Variants in DCC observed in about 807,000 individuals in gnomAD.
DCC encodes the protein DCC netrin 1 receptor, also known as netrin receptor DCC.
DCC carries 58 observed loss-of-function variants against 172.5 expected under a neutral mutation model. The ratio of observed to expected loss-of-function variants is 0.34; its 90% CI spans 0.27 to 0.42. DCC has a LOEUF of 0.42. DCC is among the 10% of genes least tolerant of loss of function. The pLI, the probability that DCC is intolerant of heterozygous loss-of-function variation, is 1.00. For synonymous variants in DCC, 709 were observed against 644.5 expected, an observed-to-expected ratio of 1.10 and a Z score of -1.52; for missense variants, 1,740 against 1,791.0, an observed-to-expected ratio of 0.97 and a Z score of 0.51.
At chr18:52,847,437 G>T (rs8088779) in intron 2 of DCC, among the ~76,000 whole-genome samples, 70,650 of 151,960 alleles carry the variant, frequency 0.46, 16,658 homozygotes, top group South Asian at 0.55. Flanking sequence ...GGCTCAGAAC[G>T]GTAGCTATCT....
intron 7 of DCC, among the ~76,000 whole-genome samples, chr18:53,121,146 A>G (rs2043478019): frequency 6.6e-6 from 1 of 151,894 alleles, no homozygotes; most frequent in Non-Finnish European, 1.5e-5. Flanking sequence ...CATTTGTTCT[A>G]TCCATGATAA....
chr18:53,335,153 C>A (rs1042386207), intron 14 of DCC, among the ~76,000 whole-genome samples: 2 of 152,114 alleles, frequency 1.3e-5, no homozygotes, highest in Non-Finnish European at 2.9e-5. Context: ...CTCATCCCTG[C>A]AGTACAGCAT....
chr18:53,179,271 A>G (rs542026431), intron 9 of DCC, among the ~76,000 whole-genome samples, 155 bp downstream of exon 9: 3 of 152,372 alleles, frequency 2.0e-5, no homozygotes, highest in Admixed American at 6.5e-5. Flanking sequence ...CTTTTAAAAG[A>G]TAACTTGTAA....
intron 1 of DCC, among the ~76,000 whole-genome samples, chr18:52,711,756 T>C (rs560530922): frequency 7.5e-4 from 115 of 152,320 alleles, no homozygotes; most frequent in African/African-American, 2.5e-3. Context: ...GGGAAAGATG[T>C]CATCTTTGTG....
At chr18:53,066,678 A>G (rs1359848124) in intron 7 of DCC, among the ~76,000 whole-genome samples, 1 of 151,874 alleles carries the variant, frequency 6.6e-6, no homozygotes, top group Non-Finnish European at 1.5e-5. Flanking sequence ...AGGACTGTAC[A>G]TATTTTCTTA....
intron 13 of DCC, among the ~76,000 whole-genome samples, chr18:53,308,746 G>A (rs1285337007): frequency 1.3e-5 from 2 of 152,152 alleles, no homozygotes; most frequent in Admixed American, 6.5e-5. Flanking sequence ...ACGCAGTACG[G>A]CAACTATTAG....
rs534476520 is a variant in DCC at position 52,869,563 on chromosome 18, C to A, written c.413-36481C>A. Among the ~76,000 whole-genome samples the A allele has an allele frequency of 1.6e-4, 25 of 152,288 alleles. 1 individual carries two copies. The highest frequency in any genetic ancestry group is 5.8e-4 in the African/African-American group (24 of 41,576). ...TTGAAGGTGGGGCCTCACCGTGGAC[C>A]CACCCCCTTCTGCCCAGGAGCCTGT... On this transcript the variant is annotated intron_variant, in intron 2 of 28. Transcript: ENST00000442544.
chr18:53,241,992 C>A (rs1425450634), intron 12 of DCC, among the ~76,000 whole-genome samples: 1 of 152,050 alleles, frequency 6.6e-6, no homozygotes, highest in Non-Finnish European at 1.5e-5. Context: ...TTAGAAAACC[C>A]CATAGTCTCA....
intron 2 of DCC, among the ~76,000 whole-genome samples, chr18:52,797,310 C>G (rs1363741948): frequency 6.6e-6 from 1 of 152,150 alleles, no homozygotes; most frequent in Non-Finnish European, 1.5e-5. Context: ...TTGGAGGCAT[C>G]ATGTTTCCTT....
intron 1 of DCC, among the ~76,000 whole-genome samples, chr18:52,602,767 T>C (rs976398187): frequency 6.6e-6 from 1 of 152,066 alleles, no homozygotes; most frequent in Non-Finnish European, 1.5e-5. Flanking sequence ...TTGCAGGATT[T>C]AGTTTATTTT....
intron 1 of DCC, among the ~76,000 whole-genome samples, chr18:52,380,269 TC>T (rs34301671): frequency 0.079 from 12,009 of 151,980 alleles, 913 homozygotes; most frequent in African/African-American, 0.19. Flanking sequence ...ACTATACCAG[TC>T]CCCTAGAATA....
chr18:53,059,685 T>C (rs1375243563), intron 5 of DCC, among the ~76,000 whole-genome samples: 1 of 152,192 alleles, frequency 6.6e-6, no homozygotes, highest in African/African-American at 2.4e-5. Flanking sequence ...CTTTATTTTT[T>C]CTTATCATTA....
intron 1 of DCC, among the ~76,000 whole-genome samples, chr18:52,735,729 G>C (rs896986704): frequency 1.3e-5 from 2 of 152,096 alleles, no homozygotes; most frequent in Non-Finnish European, 2.9e-5. Flanking sequence ...TATGCTGGCA[G>C]CTGATTAGAT....
At chr18:52,445,660 T>C (rs989571256) in intron 1 of DCC, among the ~76,000 whole-genome samples, 1 of 152,172 alleles carries the variant, frequency 6.6e-6, no homozygotes, top group African/African-American at 2.4e-5. Context: ...ATATGTAAGC[T>C]GGGGATTTTT....
At chr18:53,222,632 C>T (rs370210757) in intron 12 of DCC, among the ~76,000 whole-genome samples, 56 of 151,430 alleles carry the variant, frequency 3.7e-4, no homozygotes, top group African/African-American at 1.3e-3. Flanking sequence ...GTGATCTGCC[C>T]GCCTCGGCCT....
intron 5 of DCC, among the ~76,000 whole-genome samples, chr18:52,986,815 TACACACACACACATATACATAC>T (rs2041302113): frequency 6.7e-6 from 1 of 149,430 alleles, no homozygotes; most frequent in Non-Finnish European, 1.5e-5. Flanking sequence ...AGTATATATA[TACACACACACACATATACATAC>T]ACACACACAC....
At chr18:53,472,829 A>T (rs1599190209) in intron 25 of DCC, among the ~76,000 whole-genome samples, 2 of 152,144 alleles carry the variant, frequency 1.3e-5, no homozygotes, top group South Asian at 4.1e-4. Context: ...AGTGGCTCCC[A>T]TTTGTCTGCC....
At chr18:53,298,452 TGA>T (rs1381851668) in intron 12 of DCC, among the ~76,000 whole-genome samples, 1 of 139,400 alleles carries the variant, frequency 7.2e-6, no homozygotes, top group Non-Finnish European at 1.5e-5. Context: ...CACTTGAACC[TGA>T]GAGGTGTAGG....
intron 22 of DCC, among the ~76,000 whole-genome samples, chr18:53,448,017 A>T (rs1389553707): frequency 1.3e-5 from 2 of 148,674 alleles, no homozygotes; most frequent in Non-Finnish European, 3.0e-5. Context: ...ATAATAATGA[A>T]TGAGCTATAA....
Sources: gnomAD v4.1 joint callset for allele counts (sites outside exome capture counted in the v4.1 genomes callset) on GRCh38, gnomAD v4.1.1 for gene constraint, MANE v1.5 for transcripts, NCBI Gene and HGNC (gene_info 2026-07-23, HGNC 2026-07-21) for gene names.